SPATS2L: variants seen among roughly 807,000 people sequenced by gnomAD.
SPATS2L encodes the protein SPATS2-like protein.
Under a neutral mutation model 59.6 loss-of-function variants are expected in SPATS2L, and 30 were observed. The ratio of observed to expected loss-of-function variants is 0.50; its 90% CI spans 0.38 to 0.68. The LOEUF is 0.68. SPATS2L is among the 30% of genes least tolerant of loss of function. SPATS2L has a pLI of 0.00. For synonymous variants in SPATS2L, 252 were observed against 263.5 expected, an observed-to-expected ratio of 0.96 and a Z score of 0.42; for missense variants, 615 against 700.0, an observed-to-expected ratio of 0.88 and a Z score of 1.37.
At chr2:200,454,547 A>T (rs189379598) in intron 8 of SPATS2L, among the ~76,000 whole-genome samples, 73 of 152,260 alleles carry the variant, frequency 4.8e-4, no homozygotes. Flanking sequence ...ACATTTTTAT[A>T]AAATGACACT....
In SPATS2L at chr2:200,393,587, A is replaced by T. The variant is rs1003156180; in HGVS notation, c.39+4304A>T. Among the ~76,000 whole-genome samples the T allele has an allele frequency of 5.3e-5, 8 of 152,364 alleles. 1 individual carries two copies. The highest frequency in any genetic ancestry group is 4.6e-4 in the Admixed American group (7 of 15,302). On this transcript the variant is annotated intron_variant, in intron 3 of 12. Coordinates refer to ENST00000409140, the MANE Select transcript of SPATS2L (RefSeq NM_001100423.2). ...TAGTGAATTCCATCTTCCCATGTCA[A>T]AAGGTTAATAGATTTCTCAACTCAA...
At chr2:200,371,043 G>C (rs2081410027) in intron 2 of SPATS2L, among the ~76,000 whole-genome samples, 1 of 152,182 alleles carries the variant, frequency 6.6e-6, no homozygotes, top group East Asian at 1.9e-4. Context: ...GTCATATGAG[G>C]AAATCTTGGG....
intron 1 of SPATS2L, among the ~76,000 whole-genome samples, chr2:200,328,137 G>A (rs1014214054): frequency 1.3e-5 from 2 of 152,116 alleles, no homozygotes; most frequent in African/African-American, 2.4e-5. Context: ...GGACACTTGG[G>A]GCACGTGGAT....
chr2:200,480,933 T>C lies in SPATS2L; in HGVS notation c.*2902T>C, dbSNP rs2087760051. On this transcript the variant is annotated 3_prime_UTR_variant, in exon 13 of 13. Transcript: ENST00000409140. The stretch of plus-strand genomic sequence containing the variant: ...TCTTAAACATTTGCCTAGTAGAGGT[T>C]AAAATAGTTTAATCCTTATGAAGAT... 1 of 152,230 alleles carries C rather than the reference T, an allele frequency of 6.6e-6. No individual in the cohort carries two copies. The highest frequency in any genetic ancestry group is 1.5e-5 in the Non-Finnish European group (1 of 68,040). The allele number at this position is 152,230 out of a possible 1,614,324, so 9.4% of individuals were successfully genotyped here.
intron 2 of SPATS2L, among the ~76,000 whole-genome samples, chr2:200,356,744 G>A (rs913537812): frequency 1.3e-5 from 2 of 152,202 alleles, no homozygotes; most frequent in Non-Finnish European, 2.9e-5. Flanking sequence ...GAATACTCTA[G>A]ATTGTGTAGT....
intron 6 of SPATS2L, among the ~76,000 whole-genome samples, chr2:200,428,570 T>C (rs914337892): frequency 6.6e-6 from 1 of 152,256 alleles, no homozygotes; most frequent in South Asian, 2.1e-4. Context: ...GCTTTAATTA[T>C]GTAAGATGAC....
chr2:200,356,340 G>A (rs951115053), intron 2 of SPATS2L, among the ~76,000 whole-genome samples: 1 of 152,016 alleles, frequency 6.6e-6, no homozygotes, highest in African/African-American at 2.4e-5. Context: ...TGTCTCACTG[G>A]CAATGAACAT....
intron 8 of SPATS2L, among the ~76,000 whole-genome samples, chr2:200,449,020 A>G (rs989350842): frequency 6.6e-6 from 1 of 152,250 alleles, no homozygotes. Context: ...CACATATAAC[A>G]TGGAGAAACT....
At chr2:200,452,259 A>T (rs967520094) in intron 8 of SPATS2L, among the ~76,000 whole-genome samples, 1 of 152,266 alleles carries the variant, frequency 6.6e-6, no homozygotes, top group Non-Finnish European at 1.5e-5. Context: ...TCAAAGTCAT[A>T]TGTACAATTT....
At chr2:200,307,690 C>A (rs1418207365) in intron 1 of SPATS2L, among the ~76,000 whole-genome samples, 1 of 152,358 alleles carries the variant, frequency 6.6e-6, no homozygotes, top group East Asian at 1.9e-4. Flanking sequence ...ACACGCGGGG[C>A]TGAAGGGCCG....
At chr2:200,425,235 C>T (rs1224462570) in intron 6 of SPATS2L, among the ~76,000 whole-genome samples, 2 of 149,606 alleles carry the variant, frequency 1.3e-5, no homozygotes, top group East Asian at 4.0e-4. Flanking sequence ...ACAGGTTGTT[C>T]AAGCAGATTT....
At chr2:200,455,430 C>G (rs989557799) in intron 8 of SPATS2L, among the ~76,000 whole-genome samples, 1 of 152,186 alleles carries the variant, frequency 6.6e-6, no homozygotes, top group African/African-American at 2.4e-5. Flanking sequence ...AGGAGAAAGC[C>G]AGGCTTGCTC....
intron 2 of SPATS2L, among the ~76,000 whole-genome samples, chr2:200,367,381 C>T (rs189529748): frequency 2.2e-3 from 330 of 152,276 alleles, no homozygotes; most frequent in African/African-American, 7.6e-3. Flanking sequence ...GGACAGAACA[C>T]AGTCTTCTAG....
At chr2:200,477,513 TATAA>T in intron 12 of SPATS2L, 119 bp from the exon 13 acceptor site, 1 of 555,366 alleles carries the variant, frequency 1.8e-6, no homozygotes, top group Non-Finnish European at 2.7e-6. Context: ...TCTTCTGGTG[TATAA>T]AAAAAAAAAA....
At chr2:200,307,180 GC>G (rs1412774672) in intron 1 of SPATS2L, among the ~76,000 whole-genome samples, 2 of 151,546 alleles carry the variant, frequency 1.3e-5, no homozygotes. Flanking sequence ...GGAGGCGCCG[GC>G]TGGGACGCAC....
chr2:200,439,344 T>C lies in SPATS2L; in HGVS notation c.652+16T>C, dbSNP rs898377830. The C allele has an allele frequency of 6.2e-7, 1 of 1,600,720 alleles. No individual in the cohort carries two copies. The highest frequency in any genetic ancestry group is 1.1e-5 in the South Asian group (1 of 90,604). ...AAGAAAAGAGGTAAAGTGATTTCTT[T>C]TGCACAAATGATTCAACATATTTTG... On this transcript the variant is annotated intron_variant, in intron 7 of 12. Transcript: ENST00000409140.
At chr2:200,470,983 A>AC (rs1342207171) in intron 11 of SPATS2L, among the ~76,000 whole-genome samples, 2 of 151,534 alleles carry the variant, frequency 1.3e-5, no homozygotes, top group African/African-American at 4.9e-5. Context: ...ATATGGTAAA[A>AC]CCCCCATCTC....
chr2:200,416,466 A>G (rs1283219183), intron 5 of SPATS2L, 38 bp downstream of exon 5: 3 of 1,185,710 alleles, frequency 2.5e-6, no homozygotes, highest in South Asian at 1.7e-5. Context: ...TAACATCTTC[A>G]ATCAAAACCT....
rs148759621 is a variant in SPATS2L at position 200,375,601 on chromosome 2, G to A, written c.-22-13622G>A. Reference sequence around the variant, plus strand: ...TGGATTGGAAGGTGTGTGAAATGATGTGGCTAGAACAATATTGGACAATGC... The same window carrying A: ...TGGATTGGAAGGTGTGTGAAATGATATGGCTAGAACAATATTGGACAATGC... On this transcript the variant is annotated intron_variant, in intron 2 of 12. Transcript: ENST00000409140. 3.1e-4 allele frequency among the ~76,000 whole-genome samples: 47 copies of A among 152,248 alleles called. 1 individual carries two copies. Among genetic ancestry groups the A allele is most frequent in the African/African-American group, 1.1e-3 (47 of 41,546 alleles).
Sources: allele counts gnomAD v4.1 joint callset (sites outside exome capture counted in the v4.1 genomes callset), GRCh38; gene constraint gnomAD v4.1.1; transcripts MANE v1.5; gene names NCBI Gene and HGNC (gene_info 2026-07-23, HGNC 2026-07-21).